The following PALM2AKAP2 variants were observed in gnomAD, a reference collection of about 807,000 sequenced individuals.
The protein encoded by PALM2AKAP2 is PALM2-AKAP2 fusion protein.
A neutral mutation model predicts 71.5 loss-of-function variants in PALM2AKAP2; 37 were observed. That is an observed-to-expected ratio of 0.52 (90% CI 0.40 to 0.68). PALM2AKAP2 has a LOEUF of 0.68. Among genes scored for constraint, PALM2AKAP2 ranks in the 30% least tolerant of loss-of-function variants. PALM2AKAP2 has a pLI of 0.00. For synonymous variants in PALM2AKAP2, 468 were observed against 478.8 expected (o/e 0.98, Z 0.29); for missense variants, 1,224 against 1,191.8 (o/e 1.03, Z -0.40).
intron 1 of PALM2AKAP2, among the ~76,000 whole-genome samples, chr9:109,783,854 G>A (rs1412591815): frequency 6.6e-6 from 1 of 152,238 alleles, no homozygotes; most frequent in East Asian, 1.9e-4. Flanking sequence ...TTGAAGGACA[G>A]ATGTCCTGAT....
chr9:109,908,790 G>A lies in PALM2AKAP2; in HGVS notation c.258-14945G>A, dbSNP rs151326056. Among the ~76,000 whole-genome samples, 37 of 148,178 alleles carry A rather than the reference G, an allele frequency of 2.5e-4. No individual in the cohort carries two copies. In the East Asian group the frequency reaches 6.2e-3, roughly 25 times the overall value. The stretch of plus-strand genomic sequence containing the variant: ...GGGCATTTGTGAAAGATGTGGCTGA[G>A]GCTGTATGGATGCGTGTGCACACAC... On this transcript the variant is annotated intron_variant, in intron 3 of 9. Coordinates refer to the PALM2AKAP2 transcript ENST00000302798.
intron 7 of PALM2AKAP2, among the ~76,000 whole-genome samples, chr9:110,039,232 G>A (rs546465639): frequency 1.3e-5 from 2 of 152,212 alleles, no homozygotes; most frequent in African/African-American, 4.8e-5. Flanking sequence ...CATAGTGACA[G>A]AGTGAGACCC....
intron 1 of PALM2AKAP2, among the ~76,000 whole-genome samples, chr9:109,829,544 T>C (rs1587940169): frequency 2.0e-5 from 3 of 152,018 alleles, no homozygotes; most frequent in African/African-American, 4.8e-5. Flanking sequence ...GATTTCTAAG[T>C]TCTCCATCTG....
At chr9:109,830,124 A>G (rs978707556) in intron 1 of PALM2AKAP2, among the ~76,000 whole-genome samples, 1 of 152,200 alleles carries the variant, frequency 6.6e-6, no homozygotes, top group African/African-American at 2.4e-5. Context: ...GATGGTCAAA[A>G]GAAGTGACGA....
rs1369719017 is a variant in PALM2AKAP2 at position 110,117,552 on chromosome 9, T to G, written c.157-18575T>G. Among the ~76,000 whole-genome samples the G allele has an allele frequency of 2.0e-5, 3 of 152,248 alleles. No individual in the cohort carries two copies. In the East Asian group the frequency reaches 5.8e-4, roughly 29 times the overall value. On this transcript the variant is annotated intron_variant, in intron 1 of 3. Coordinates refer to ENST00000374525, the Ensembl canonical transcript of PALM2AKAP2. ...ACTGTCTTTGTCTAATTTCTGCTGC[T>G]GAAAGAGTATACCTGAGTCTGAGTA...
chr9:109,696,374 G>A (rs1370006080), intron 1 of PALM2AKAP2, among the ~76,000 whole-genome samples: 1 of 152,194 alleles, frequency 6.6e-6, no homozygotes, highest in East Asian at 1.9e-4. Flanking sequence ...TAAGAGAAAT[G>A]TGAATTAAAG....
chr9:109,785,886 C>A (rs1222976096), intron 1 of PALM2AKAP2, among the ~76,000 whole-genome samples: 1 of 152,194 alleles, frequency 6.6e-6, no homozygotes, highest in Non-Finnish European at 1.5e-5. Flanking sequence ...GGACTAAAAT[C>A]TTCTGGCTGG....
At chr9:110,060,356 G>A (rs964366344) in intron 1 of PALM2AKAP2, among the ~76,000 whole-genome samples, 1 of 151,968 alleles carries the variant, frequency 6.6e-6, no homozygotes, top group Non-Finnish European at 1.5e-5. Flanking sequence ...GCCCACCTTG[G>A]CCTCCCAAAG....
rs1035286762 is a variant in PALM2AKAP2, at chr9:110,125,585, G to A, written c.157-10542G>A. The A allele has an allele frequency of 9.1e-6, 9 of 985,326 alleles. No homozygotes were observed. The African/African-American group carries it at 1.4e-4, about 15-fold the overall frequency. The allele number at this position is 985,326 out of a possible 1,614,324, so 61.0% of individuals were successfully genotyped here. On this transcript the variant is annotated intron_variant, in intron 1 of 3. Coordinates refer to ENST00000374525, the Ensembl canonical transcript of PALM2AKAP2. ...CTCACTGAGGAGGTTTGAGGCGCGC[G>A]CTCTGGGCAGGGTAAGCCAAGTCTG...
chr9:110,160,924 G>T (rs544096588), intron 3 of PALM2AKAP2, among the ~76,000 whole-genome samples: 1 of 152,082 alleles, frequency 6.6e-6, no homozygotes, highest in Admixed American at 6.6e-5. Flanking sequence ...AGACCTCGTC[G>T]GTTTTCCTGG....
intron 1 of PALM2AKAP2, among the ~76,000 whole-genome samples, chr9:109,673,079 T>C (rs1827599175): frequency 6.6e-6 from 1 of 152,048 alleles, no homozygotes; most frequent in African/African-American, 2.4e-5. Flanking sequence ...ATGCTTTTTG[T>C]GTACGTGTGT....
intron 1 of PALM2AKAP2, chr9:110,090,308 A>G (rs1192244278): frequency 2.2e-6 from 1 of 455,912 alleles, no homozygotes; most frequent in Admixed American, 2.4e-5. Flanking sequence ...CCTACTGAAG[A>G]AAGGGAAACT....
At chr9:109,943,062 G>A (rs201063232) in intron 6 of PALM2AKAP2, 348 of 1,614,196 alleles carry the variant, frequency 2.2e-4, no homozygotes, top group Non-Finnish European at 2.8e-4. Flanking sequence ...GGAACCCAGG[G>A]CAGCAGGCCC....
rs535543573 is a variant in PALM2AKAP2, at chr9:110,064,504, G to A, written c.156+15649G>A. ...CGCCTGTAATCCCAGAACATTGGAA[G>A]GCTGAGATGCGAAGATTGCTTGAAG... On this transcript the variant is annotated intron_variant, in intron 1 of 3. Coordinates refer to ENST00000374525, the Ensembl canonical transcript of PALM2AKAP2. 9.2e-5 allele frequency among the ~76,000 whole-genome samples: 14 copies of A among 152,342 alleles called. 1 individual carries two copies. The South Asian group carries it at 2.9e-3, about 32-fold the overall frequency.
At chr9:109,792,402 T>C (rs1827137465) in intron 1 of PALM2AKAP2, among the ~76,000 whole-genome samples, 1 of 152,216 alleles carries the variant, frequency 6.6e-6, no homozygotes, top group Non-Finnish European at 1.5e-5. Flanking sequence ...GCTGGGATTA[T>C]AGGCATGTGC....
chr9:109,950,292 C>CAAA (rs539292920), intron 6 of PALM2AKAP2, among the ~76,000 whole-genome samples: 5 of 137,698 alleles, frequency 3.6e-5, no homozygotes, highest in African/African-American at 1.3e-4. Context: ...GACTCTGTCT[C>CAAA]AAAAAAAAAA....
At chr9:109,714,227 A>G (rs930952585) in intron 1 of PALM2AKAP2, among the ~76,000 whole-genome samples, 3 of 152,186 alleles carry the variant, frequency 2.0e-5, no homozygotes, top group Non-Finnish European at 4.4e-5. Context: ...TCCCAACCTT[A>G]GAGAATATTG....
chr9:109,759,458 A>G (rs978084349), intron 1 of PALM2AKAP2, among the ~76,000 whole-genome samples: 2 of 152,158 alleles, frequency 1.3e-5, no homozygotes, highest in Non-Finnish European at 1.5e-5. Context: ...TCTCCAGCAA[A>G]TGCATCCATC....
At chr9:109,847,277 A>G (rs1397200323) in intron 1 of PALM2AKAP2, among the ~76,000 whole-genome samples, 2 of 152,192 alleles carry the variant, frequency 1.3e-5, no homozygotes, top group Non-Finnish European at 2.9e-5. Context: ...CAATGCGATC[A>G]CCACTAGGTA....
Sources: gnomAD v4.1 joint callset for allele counts (sites outside exome capture counted in the v4.1 genomes callset) on GRCh38, gnomAD v4.1.1 for gene constraint, MANE v1.5 for transcripts, NCBI Gene and HGNC (gene_info 2026-07-23, HGNC 2026-07-21) for gene names.